The following CRPPA variants were observed in gnomAD, a reference collection of about 807,000 sequenced individuals.
CRPPA encodes the protein D-ribitol-5-phosphate cytidylyltransferase.
Under a neutral mutation model 52.0 loss-of-function variants are expected in CRPPA, and 43 were observed. The observed-to-expected ratio is 0.83, with a 90% CI of 0.65 to 1.07. The LOEUF is 1.07. Ranked by LOEUF, CRPPA falls within the 50% of genes least tolerant of loss-of-function variation. The pLI, the probability that CRPPA is intolerant of heterozygous loss-of-function variation, is 0.00. For missense variants in CRPPA, 629 were observed against 551.7 expected (o/e 1.14, Z -1.40); for synonymous variants, 250 against 203.5 (o/e 1.23, Z -1.94).
At position 16,404,118 on chromosome 7, in the gene CRPPA, T is replaced by C. The variant is rs538241423; in HGVS notation, c.534+1943A>G. Among the ~76,000 whole-genome samples the C allele has an allele frequency of 7.2e-5, 11 of 152,324 alleles. No individual in the cohort carries two copies. The South Asian group carries it at 1.7e-3, about 23-fold the overall frequency. On this transcript the variant is annotated intron_variant, in intron 2 of 9. Transcript: ENST00000407010. ...GAAAAAATTCTTAAACATGGATGTA[T>C]ATAAAACTCATGATTTTACCCTTTA...
chr7:16,353,153 C>T (rs923762685), intron 3 of CRPPA, among the ~76,000 whole-genome samples: 8 of 151,456 alleles, frequency 5.3e-5, no homozygotes, highest in South Asian at 2.1e-4. Context: ...CCCAGGAGTT[C>T]GAGACCAGTC....
chr7:16,332,912 CAG>C (rs781381712), intron 3 of CRPPA, among the ~76,000 whole-genome samples: 7 of 151,658 alleles, frequency 4.6e-5, no homozygotes, highest in Non-Finnish European at 1.0e-4. Context: ...TATAAAGACA[CAG>C]AGGTGAAAGT....
At chr7:16,122,228 C>G (rs556400106) in intron 9 of CRPPA, among the ~76,000 whole-genome samples, 5 of 152,112 alleles carry the variant, frequency 3.3e-5, no homozygotes, top group Admixed American at 1.3e-4. Context: ...AATCTTTCTT[C>G]CTTTTAATTG....
At chr7:16,124,787 A>C (rs1782543466) in intron 9 of CRPPA, among the ~76,000 whole-genome samples, 1 of 152,192 alleles carries the variant, frequency 6.6e-6, no homozygotes, top group African/African-American at 2.4e-5. Context: ...TTTAATTATA[A>C]CACATTGTAT....
At position 16,392,757 on chromosome 7, in the gene CRPPA, A is replaced by C. The variant is rs140984087; in HGVS notation, c.534+13304T>G. On this transcript the variant is annotated intron_variant, in intron 2 of 9. Coordinates refer to ENST00000407010, the MANE Select transcript of CRPPA (RefSeq NM_001101426.4). ...AATACTATATTCACTCATTTTTATG[A>C]CTTTTAAAGAATTACGTAGTTTAAA... Among the ~76,000 whole-genome samples, 599 of 152,174 alleles carry C rather than the reference A, an allele frequency of 3.9e-3. 5 individuals carry two copies. The highest frequency in any genetic ancestry group is 0.014 in the African/African-American group (580 of 41,530).
intron 1 of CRPPA, among the ~76,000 whole-genome samples, chr7:16,408,119 AAAT>A (rs1188874949): frequency 2.7e-5 from 4 of 150,666 alleles, no homozygotes; most frequent in South Asian, 2.1e-4. Flanking sequence ...AAAAAAAAAA[AAAT>A]AAAAAAATAA....
intron 2 of CRPPA, among the ~76,000 whole-genome samples, chr7:16,397,926 C>A (rs1787655369): frequency 6.6e-6 from 1 of 152,204 alleles, no homozygotes; most frequent in African/African-American, 2.4e-5. Context: ...ACACAACTGG[C>A]AGGTGATTGA....
intron 2 of CRPPA, among the ~76,000 whole-genome samples, chr7:16,405,498 A>G (rs1418175122): frequency 6.6e-6 from 1 of 152,146 alleles, no homozygotes; most frequent in Non-Finnish European, 1.5e-5. Context: ...TTTAGTATCT[A>G]TTACCATATT....
At chr7:16,129,336 C>T (rs551515107) in intron 9 of CRPPA, among the ~76,000 whole-genome samples, 2 of 152,092 alleles carry the variant, frequency 1.3e-5, no homozygotes, top group Admixed American at 6.5e-5. Context: ...TCAAATCAAT[C>T]CTCATTATAT....
chr7:16,396,390 T>C (rs984502971), intron 2 of CRPPA, among the ~76,000 whole-genome samples: 10 of 152,160 alleles, frequency 6.6e-5, no homozygotes, highest in African/African-American at 2.4e-4. Flanking sequence ...CCTGCAAGAA[T>C]GGTCAAAACC....
chr7:16,227,762 G>C (rs966609234), intron 8 of CRPPA, among the ~76,000 whole-genome samples: 2 of 151,854 alleles, frequency 1.3e-5, no homozygotes, highest in South Asian at 2.1e-4. Flanking sequence ...ACACCAATTT[G>C]TCTATTTTTG....
At chr7:16,319,238 T>G (rs1179817026) in intron 3 of CRPPA, among the ~76,000 whole-genome samples, 1 of 152,182 alleles carries the variant, frequency 6.6e-6, no homozygotes, top group Admixed American at 6.5e-5. Flanking sequence ...GCCAAACACT[T>G]AGCTATTCAT....
chr7:16,216,745 C>T (rs1011040716), intron 8 of CRPPA, among the ~76,000 whole-genome samples: 7 of 152,316 alleles, frequency 4.6e-5, no homozygotes, highest in African/African-American at 1.4e-4. Flanking sequence ...GCTTAAAAAA[C>T]GGCGCACCAC....
intron 9 of CRPPA, among the ~76,000 whole-genome samples, chr7:16,180,155 A>G (rs1781381358): frequency 2.0e-5 from 3 of 152,076 alleles, no homozygotes; most frequent in Admixed American, 2.0e-4. Context: ...GTTGCATGTT[A>G]GAATTACCAG....
chr7:16,406,831 C>G (rs1462396769), intron 1 of CRPPA, among the ~76,000 whole-genome samples: 1 of 152,174 alleles, frequency 6.6e-6, no homozygotes, highest in South Asian at 2.1e-4. Context: ...TTAGCTAACA[C>G]AAGCCTTGCT....
At chr7:16,346,903 A>G (rs1366870849) in intron 3 of CRPPA, among the ~76,000 whole-genome samples, 1 of 152,100 alleles carries the variant, frequency 6.6e-6, no homozygotes, top group Non-Finnish European at 1.5e-5. Context: ...AACCCTCAGT[A>G]AAGGGCCAAG....
At chr7:16,354,677 T>C (rs1786250812) in intron 3 of CRPPA, among the ~76,000 whole-genome samples, 1 of 152,142 alleles carries the variant, frequency 6.6e-6, no homozygotes, top group Non-Finnish European at 1.5e-5. Flanking sequence ...TTATTATTAT[T>C]ACCCCAAAGA....
chr7:16,216,501 G>A (rs1782316537), intron 8 of CRPPA: 1 of 256,490 alleles, frequency 3.9e-6, no homozygotes. Flanking sequence ...GCAGAAGACG[G>A]GTGATTTCTG....
chr7:16,093,889 C>A (rs1020809376), intron 9 of CRPPA, among the ~76,000 whole-genome samples: 7 of 152,084 alleles, frequency 4.6e-5, no homozygotes, highest in African/African-American at 1.7e-4. Flanking sequence ...TAAATTGAGA[C>A]ATAACACAGA....
Sources: allele counts gnomAD v4.1 joint callset (sites outside exome capture counted in the v4.1 genomes callset), GRCh38; gene constraint gnomAD v4.1.1; transcripts MANE v1.5; gene names NCBI Gene and HGNC (gene_info 2026-07-23, HGNC 2026-07-21).